CWH43: variants seen among roughly 807,000 people sequenced by gnomAD.
The protein encoded by CWH43 is cell wall biogenesis 43 C-terminal homolog.
In CWH43, 91 loss-of-function variants were observed where a neutral mutation model predicts 85.7. The observed-to-expected ratio is 1.06, with a 90% CI of 0.90 to 1.26. The LOEUF is 1.26. Ranked by LOEUF, CWH43 falls within the 50% of genes most tolerant of loss-of-function variation. The probability of loss-of-function intolerance (pLI) is 0.00; values close to 1 mark genes in which losing one functional copy is unlikely to be tolerated. For synonymous variants in CWH43, 323 were observed against 293.6 expected (o/e 1.10, Z -1.02); for missense variants, 869 against 839.2 (o/e 1.04, Z -0.44).
intron 9 of CWH43, among the ~76,000 whole-genome samples, chr4:49,017,621 T>C (rs191985495): frequency 6.6e-6 from 1 of 152,310 alleles, no homozygotes; most frequent in African/African-American, 2.4e-5. Context: ...TAGTTTGTTC[T>C]TGCACTGCCA....
chr4:49,009,167 G>T (rs960949483), intron 8 of CWH43, among the ~76,000 whole-genome samples: 1 of 152,058 alleles, frequency 6.6e-6, no homozygotes, highest in Non-Finnish European at 1.5e-5. Flanking sequence ...GTGGTTTGTA[G>T]TTCTCCTTGA....
At chr4:48,991,646 G>A in intron 3 of CWH43, 72 bp downstream of exon 3, 1 of 1,542,904 alleles carries the variant, frequency 6.5e-7, no homozygotes, top group East Asian at 2.3e-5. Context: ...CTGGGGCCAG[G>A]AGTTCCAGGT....
Position 48,986,465 on chromosome 4 carries a change from G to A in CWH43, c.36G>A (p.Ser12=). 2 of 1,549,830 alleles carry A rather than the reference G, an allele frequency of 1.3e-6. No individual in the cohort carries two copies. Among genetic ancestry groups the A allele is most frequent in the Non-Finnish European group, 8.7e-7 (1 of 1,143,736 alleles). Reference sequence around the variant, plus strand: ...TGTGGAGAGAAATCCTCTTGGAGTCGCTGCTGGGTAAGCCGAAGCCCCTCG... The same window carrying A: ...TGTGGAGAGAAATCCTCTTGGAGTCACTGCTGGGTAAGCCGAAGCCCCTCG... The part of the protein sequence containing the change: ...PSLWREILLE[S]LLGCVSWSLY... Residue 12 remains serine (S), a synonymous_variant, in exon 1 of 16, where the codon TCG becomes TCA. Transcript: ENST00000226432.
At chr4:49,009,500 T>C (rs1783280925) in intron 8 of CWH43, among the ~76,000 whole-genome samples, 1 of 152,206 alleles carries the variant, frequency 6.6e-6, no homozygotes, top group Admixed American at 6.5e-5. Flanking sequence ...TGGCCAGAAC[T>C]TCCAACACTG....
At chr4:49,038,459 G>C (rs1784330965) in intron 13 of CWH43, among the ~76,000 whole-genome samples, 1 of 152,184 alleles carries the variant, frequency 6.6e-6, no homozygotes, top group South Asian at 2.1e-4. Context: ...CTTCATAGGT[G>C]ATTTATAGGT....
At chr4:49,040,695 C>T (rs1784432056) in intron 13 of CWH43, among the ~76,000 whole-genome samples, 1 of 152,126 alleles carries the variant, frequency 6.6e-6, no homozygotes, top group Non-Finnish European at 1.5e-5. Flanking sequence ...CTGTAGGTTG[C>T]CTGTTCACTC....
intron 8 of CWH43, among the ~76,000 whole-genome samples, chr4:49,012,641 C>A (rs985892797): frequency 2.0e-5 from 3 of 152,088 alleles, no homozygotes; most frequent in Admixed American, 6.6e-5. Flanking sequence ...TGTTGGTGAC[C>A]TGCAGATGGA....
At position 49,061,884 on chromosome 4, in the gene CWH43, T is replaced by C. The variant is rs772133417; in HGVS notation, c.2094T>C (p.Phe698=). ...HHFHMNTPKY[F]L is the part of the protein sequence containing the mutation. ...TTCATATGAATACTCCCAAATACTT[T>C]TTATGAAACATTTAAAACAAGAAGT... The change falls in exon 16 of 16, where the codon TTT becomes TTC. Residue 698 remains phenylalanine (F), a synonymous_variant. Coordinates refer to ENST00000226432, the MANE Select transcript of CWH43 (RefSeq NM_025087.3). The C allele has an allele frequency of 2.9e-6, 4 of 1,373,838 alleles. No individual in the cohort carries two copies. The highest frequency in any genetic ancestry group is 3.9e-6 in the Non-Finnish European group (4 of 1,033,102). The allele number at this position is 1,373,838 out of a possible 1,614,324, so 85.1% of individuals were successfully genotyped here. A position where few individuals can be genotyped will look rare whatever the true frequency, so the allele number is the denominator to read the frequency against.
chr4:48,990,415 C>CA (rs1782623719), intron 2 of CWH43, among the ~76,000 whole-genome samples: 1 of 152,154 alleles, frequency 6.6e-6, no homozygotes, highest in South Asian at 2.1e-4. Context: ...AAACTCCCTT[C>CA]AAATACTTCT....
In CWH43 at chr4:49,017,255, G is replaced by A; in HGVS notation, c.1193G>A (p.Trp398Ter). The change falls in exon 9 of 16, where the codon TGG becomes TAG. Residue 398 changes from tryptophan (W) to a stop codon, truncating the protein, a stop_gained. Transcript: ENST00000226432. LOFTEE classifies it high-confidence loss of function. ...ATTTCTTTTTTCTGTTTAGTTCTGT[G>A]GCTGCTTGTTGGTGTGGGATTGTTG... ...KSEKYMKLFLWLLVGVGLLGL... is the reference protein window; with the variant it reads ...KSEKYMKLFL 6.2e-7 allele frequency: 1 copy of A among 1,609,950 alleles called. No homozygotes were observed. The highest frequency in any genetic ancestry group is 8.5e-7 in the Non-Finnish European group (1 of 1,177,930).
intron 9 of CWH43, among the ~76,000 whole-genome samples, chr4:49,024,654 G>A (rs1363687462): frequency 6.6e-6 from 1 of 152,030 alleles, no homozygotes; most frequent in Non-Finnish European, 1.5e-5. Flanking sequence ...TAATTTTTTG[G>A]TTTAAGGAGG....
rs1783194649 is a variant in CWH43 at position 49,007,389 on chromosome 4, A to G, written c.1186+63A>G. On this transcript the variant is annotated intron_variant, in intron 8 of 15. Transcript: ENST00000226432. ...TATAAAATTCTAAACGTATGAAATT[A>G]AAGAGTATAATGATCCCTCATGTAT... 2.8e-6 allele frequency: 4 copies of G among 1,430,836 alleles called. No individual in the cohort carries two copies. In the African/African-American group the frequency reaches 5.8e-5, roughly 21 times the overall value. The allele number at this position is 1,430,836 out of a possible 1,614,324, so 88.6% of individuals were successfully genotyped here. A position where few individuals can be genotyped will look rare whatever the true frequency, so the allele number is the denominator to read the frequency against.
intron 14 of CWH43, among the ~76,000 whole-genome samples, chr4:49,048,356 ACT>A (rs763249069): frequency 3.2e-4 from 48 of 150,870 alleles, no homozygotes; most frequent in Admixed American, 6.0e-4. Flanking sequence ...ATATATATAC[ACT>A]CTGTATATAT....
Position 49,061,809 on chromosome 4 carries a change from T to A in CWH43, c.2022-3T>A. 7.2e-7 allele frequency: 1 copy of A among 1,380,480 alleles called. No individual in the cohort carries two copies. Among genetic ancestry groups the A allele is most frequent in the Non-Finnish European group, 9.6e-7 (1 of 1,040,298 alleles). 85.5% of individuals were successfully genotyped at this position (1,380,480 alleles called of 1,614,324 possible). ...ACTTTTTATTTATTTTTTATTTTTT[T>A]AGATTTGGATCCTACAAAGAAGGAC... On this transcript the variant is annotated splice_polypyrimidine_tract_variant and splice_region_variant and intron_variant, in intron 15 of 15. Coordinates refer to ENST00000226432, the MANE Select transcript of CWH43 (RefSeq NM_025087.3).
chr4:49,039,331 ATACTGATG>A (rs1225360467), intron 13 of CWH43, among the ~76,000 whole-genome samples: 1 of 68,834 alleles, frequency 1.5e-5, no homozygotes, highest in African/African-American at 4.6e-5. Context: ...ATATATATAT[ATACTGATG>A]TATATATATA....
chr4:49,015,405 G>T (rs1409206743), intron 8 of CWH43, among the ~76,000 whole-genome samples: 1 of 151,940 alleles, frequency 6.6e-6, no homozygotes, highest in Non-Finnish European at 1.5e-5. Context: ...CTGTTGAGAA[G>T]TCAGCTGTCA....
chr4:49,040,349 T>G (rs998753783), intron 13 of CWH43, among the ~76,000 whole-genome samples: 6 of 152,230 alleles, frequency 3.9e-5, no homozygotes, highest in Admixed American at 6.5e-5. Context: ...TGAACTAGTT[T>G]ACAGTCCCAC....
chr4:49,031,173 C>G, intron 11 of CWH43: 1 of 462,694 alleles, frequency 2.2e-6, no homozygotes, highest in South Asian at 4.6e-5. Flanking sequence ...CATTATAAAC[C>G]AATCAATCTA....
intron 2 of CWH43, among the ~76,000 whole-genome samples, chr4:48,991,001 G>A (rs138204472): frequency 2.4e-4 from 37 of 152,114 alleles, no homozygotes; most frequent in Non-Finnish European, 3.7e-4. Context: ...CCCTGAAAAC[G>A]TTATGCTAAG....
Sources: allele counts gnomAD v4.1 joint callset (sites outside exome capture counted in the v4.1 genomes callset), GRCh38; gene constraint gnomAD v4.1.1; transcripts MANE v1.5; gene names NCBI Gene and HGNC (gene_info 2026-07-23, HGNC 2026-07-21).